The following STK32C variants were observed in gnomAD, a reference collection of about 807,000 sequenced individuals.
The protein encoded by STK32C is serine/threonine-protein kinase 32C.
A neutral mutation model predicts 56.5 loss-of-function variants in STK32C; 31 were observed. The ratio of observed to expected loss-of-function variants is 0.55; its 90% CI spans 0.41 to 0.74. STK32C has a LOEUF of 0.74. STK32C is among the 30% of genes least tolerant of loss of function. STK32C has a pLI of 0.00. For missense variants in STK32C, 544 were observed against 676.9 expected, an observed-to-expected ratio of 0.80 and a Z score of 2.18; for synonymous variants, 309 against 289.4, an observed-to-expected ratio of 1.07 and a Z score of -0.69.
At chr10:132,208,997 C>A (rs71480034) in intron 11 of STK32C, 37 bp downstream of exon 11, 1 of 1,601,036 alleles carries the variant, frequency 6.2e-7, no homozygotes, top group South Asian at 1.1e-5. Flanking sequence ...TTTTCCTCCT[C>A]TCTGCCACCA....
intron 1 of STK32C, among the ~76,000 whole-genome samples, chr10:132,258,607 C>T (rs1190524558): frequency 6.6e-6 from 1 of 152,240 alleles, no homozygotes; most frequent in Non-Finnish European, 1.5e-5. Flanking sequence ...TCCCAGCCCA[C>T]CGAACAGGAA....
chr10:132,313,756 T>C lies in STK32C; in HGVS notation c.301+17680A>G, dbSNP rs149859772. Among the ~76,000 whole-genome samples, 669 of 149,890 alleles carry C rather than the reference T, an allele frequency of 4.5e-3. 1 individual carries two copies. The highest frequency in any genetic ancestry group is 7.3e-3 in the Non-Finnish European group (498 of 68,020). On this transcript the variant is annotated intron_variant, in intron 1 of 3. Coordinates refer to the STK32C transcript ENST00000368620. The stretch of plus-strand genomic sequence containing the variant: ...GGAATGAATGAAAGGCCAGGCTGGT[T>C]AAGCTGGAGAGATTGAGGCAGGGAG...
chr10:132,275,300 C>T (rs1395323761), intron 1 of STK32C, among the ~76,000 whole-genome samples: 1 of 152,168 alleles, frequency 6.6e-6, no homozygotes. Context: ...GTGCTGGGAC[C>T]CCCGGGGAAG....
At chr10:132,274,138 G>A (rs1377788054) in intron 1 of STK32C, among the ~76,000 whole-genome samples, 4 of 152,194 alleles carry the variant, frequency 2.6e-5, no homozygotes, top group Non-Finnish European at 4.4e-5. Context: ...AGATGCCTGC[G>A]GGGTCATTGC....
intron 1 of STK32C, among the ~76,000 whole-genome samples, chr10:132,258,132 C>T (rs2064187633): frequency 6.6e-6 from 1 of 152,202 alleles, no homozygotes; most frequent in South Asian, 2.1e-4. Flanking sequence ...AGCAAGTGTC[C>T]CAGCCCCAGG....
At chr10:132,293,127 C>T (rs998822904) in intron 1 of STK32C, among the ~76,000 whole-genome samples, 5 of 152,196 alleles carry the variant, frequency 3.3e-5, no homozygotes, top group Admixed American at 1.3e-4. Context: ...TGCATGCGTG[C>T]GGGGAGGGCA....
upstream of STK32C, chr10:132,331,974 C>T: frequency 4.1e-6 from 2 of 492,956 alleles, no homozygotes; most frequent in Admixed American, 4.4e-5. Flanking sequence ...ACCCCGCCCC[C>T]TCCCGGGCAG....
upstream of STK32C, among the ~76,000 whole-genome samples, chr10:132,312,667 A>G (rs545957605): frequency 2.6e-5 from 4 of 152,342 alleles, no homozygotes; most frequent in South Asian, 8.3e-4. Context: ...TGCACTACGT[A>G]AACTAAAATT....
chr10:132,330,581 C>T, intron 1 of STK32C: 2 of 707,316 alleles, frequency 2.8e-6, no homozygotes, highest in Non-Finnish European at 5.2e-6. Flanking sequence ...AATCATAACT[C>T]ACTGCAGCCT....
Position 132,235,493 on chromosome 10 carries a change from T to TCAAAAAAAAAAAAAA in STK32C, c.319-7366_319-7365insTTTTTTTTTTTTTTG, listed in dbSNP as rs1565091831. The stretch of plus-strand genomic sequence containing the variant: ...CCTGGCAACAGAGCAAGACTCAGCC[T>TCAAAAAAAAAAAAAA]TAAAAAAAAAAAAAAAAAAAAGGAA... On this transcript the variant is annotated intron_variant, in intron 2 of 11. Coordinates refer to ENST00000298630, the MANE Select transcript of STK32C (RefSeq NM_173575.4). Among the ~76,000 whole-genome samples the TCAAAAAAAAAAAAAA allele has an allele frequency of 1.1e-4, 8 of 72,404 alleles. 1 individual carries two copies. The highest frequency in any genetic ancestry group is 2.5e-4 in the African/African-American group (5 of 19,790). 47.5% of individuals were successfully genotyped at this position (72,404 alleles called of 152,430 possible). A position where few individuals can be genotyped will look rare whatever the true frequency, so the allele number is the denominator to read the frequency against.
chr10:132,305,925 C>A (rs1014145259), intron 1 of STK32C, among the ~76,000 whole-genome samples: 3 of 152,228 alleles, frequency 2.0e-5, no homozygotes, highest in African/African-American at 7.2e-5. Context: ...GAGCCAGCAG[C>A]ATCCGTGGGA....
At chr10:132,262,547 G>C (rs1304199834) in intron 1 of STK32C, among the ~76,000 whole-genome samples, 1 of 152,106 alleles carries the variant, frequency 6.6e-6, no homozygotes, top group African/African-American at 2.4e-5. Context: ...ATCTGACAAA[G>C]TTCTAATAAC....
chr10:132,261,990 A>T (rs1273461597), intron 1 of STK32C, among the ~76,000 whole-genome samples: 1 of 152,226 alleles, frequency 6.6e-6, no homozygotes, highest in Non-Finnish European at 1.5e-5. Flanking sequence ...AGCCAAAGCG[A>T]TCCTAAGAAA....
At chr10:132,296,205 G>T (rs1320121164) in intron 1 of STK32C, among the ~76,000 whole-genome samples, 1 of 151,594 alleles carries the variant, frequency 6.6e-6, no homozygotes, top group Admixed American at 6.6e-5. Context: ...CAACACAGCT[G>T]ACCAGTGTCC....
At chr10:132,306,568 A>C (rs913177356) in intron 1 of STK32C, among the ~76,000 whole-genome samples, 1 of 152,218 alleles carries the variant, frequency 6.6e-6, no homozygotes, top group African/African-American at 2.4e-5. Context: ...GTATTACTGT[A>C]ATTTCCCATA....
At chr10:132,320,059 A>C (rs150644679), downstream of STK32C, among the ~76,000 whole-genome samples, 934 of 152,216 alleles carry the variant, frequency 6.1e-3, 4 homozygotes, top group Non-Finnish European at 0.01. Flanking sequence ...GACCTCATAC[A>C]GTATGGCACA....
At chr10:132,282,470 TGTACCTGC>T (rs2065244481) in intron 1 of STK32C, among the ~76,000 whole-genome samples, 1 of 125,700 alleles carries the variant, frequency 8.0e-6, no homozygotes, top group Non-Finnish European at 1.8e-5. Flanking sequence ...TGCGCCCACC[TGTACCTGC>T]GCCCACCTGT....
chr10:132,323,917 G>T (rs749745940), downstream of STK32C: 67 of 247,704 alleles, frequency 2.7e-4, 1 homozygote, highest in Non-Finnish European at 4.5e-4. The surrounding 1 kb of genome is among the most constrained non-coding windows in gnomAD (Gnocchi z 4.8). Context: ...AACATGAGGG[G>T]TGGCCTCATG....
intron 1 of STK32C, among the ~76,000 whole-genome samples, chr10:132,324,688 A>G (rs1015050724): frequency 6.6e-6 from 1 of 152,224 alleles, no homozygotes; most frequent in Non-Finnish European, 1.5e-5. Context: ...TCAAATACTT[A>G]AAGAGGTTTA....
Sources: allele counts gnomAD v4.1 joint callset (sites outside exome capture counted in the v4.1 genomes callset), GRCh38; gene constraint gnomAD v4.1.1; non-coding constraint Gnocchi (gnomAD v3.1); transcripts MANE v1.5; gene names NCBI Gene and HGNC (gene_info 2026-07-23, HGNC 2026-07-21).